PALS1: variants seen among roughly 807,000 people sequenced by gnomAD.
PALS1 encodes protein associated with LIN7 1, MAGUK p55 family member.
PALS1 carries 31 observed loss-of-function variants against 78.9 expected under a neutral mutation model. That is an observed-to-expected ratio of 0.39 (90% CI 0.30 to 0.53). PALS1 has a LOEUF of 0.53. PALS1 is among the 20% of genes least tolerant of loss of function. The pLI, the probability that PALS1 is intolerant of heterozygous loss-of-function variation, is 0.67. For missense variants in PALS1, 704 were observed against 826.5 expected, an observed-to-expected ratio of 0.85 and a Z score of 1.82; for synonymous variants, 276 against 270.9, an observed-to-expected ratio of 1.02 and a Z score of -0.18.
intron 8 of PALS1, among the ~76,000 whole-genome samples, chr14:67,306,216 C>T (rs187877633): frequency 5.9e-5 from 9 of 152,260 alleles, no homozygotes; most frequent in Non-Finnish European, 1.0e-4. Flanking sequence ...GTGATCTGCC[C>T]GCCTTGGCCT....
intron 4 of PALS1, among the ~76,000 whole-genome samples, chr14:67,301,170 G>T (rs769903691): frequency 6.6e-6 from 1 of 151,994 alleles, no homozygotes; most frequent in Non-Finnish European, 1.5e-5. Flanking sequence ...GTCTATAGGC[G>T]TAAGTACCAA....
chr14:67,265,306 T>G (rs1418670770), intron 1 of PALS1, among the ~76,000 whole-genome samples: 5 of 152,082 alleles, frequency 3.3e-5, no homozygotes. Context: ...GCCTGTAATC[T>G]CAGAGATTCG....
intron 8 of PALS1, among the ~76,000 whole-genome samples, chr14:67,310,792 T>C (rs1457316741): frequency 6.6e-6 from 1 of 152,212 alleles, no homozygotes; most frequent in Non-Finnish European, 1.5e-5. Flanking sequence ...AAATATTCTT[T>C]AATGACAAGC....
At chr14:67,324,122 T>C (rs2085311225) in intron 14 of PALS1, among the ~76,000 whole-genome samples, 1 of 152,240 alleles carries the variant, frequency 6.6e-6, no homozygotes, top group Non-Finnish European at 1.5e-5. Flanking sequence ...TCTCTGTAGA[T>C]ACTCCACATT....
chr14:67,296,394 A>G (rs2084850032), intron 4 of PALS1, among the ~76,000 whole-genome samples: 1 of 151,924 alleles, frequency 6.6e-6, no homozygotes, highest in Non-Finnish European at 1.5e-5. Context: ...AGGTCAGGAG[A>G]TCGAGACCAT....
intron 14 of PALS1, among the ~76,000 whole-genome samples, chr14:67,330,736 G>A (rs2085435386): frequency 6.9e-6 from 1 of 144,556 alleles, no homozygotes; most frequent in Non-Finnish European, 1.5e-5. Context: ...GGGATTATGG[G>A]CCTGAGCCCC....
chr14:67,323,460 A>G (rs1324348372), intron 13 of PALS1, among the ~76,000 whole-genome samples: 1 of 151,654 alleles, frequency 6.6e-6, no homozygotes, highest in African/African-American at 2.4e-5. Flanking sequence ...ACAAAAAAGT[A>G]AAAAGTTAGC....
chr14:67,293,429 T>C (rs1364955871), intron 4 of PALS1, among the ~76,000 whole-genome samples: 1 of 152,168 alleles, frequency 6.6e-6, no homozygotes, highest in African/African-American at 2.4e-5. Flanking sequence ...TTTCATTGAA[T>C]GCCAACATGA....
intron 14 of PALS1, among the ~76,000 whole-genome samples, chr14:67,324,609 G>A (rs553913253): frequency 1.3e-5 from 2 of 152,014 alleles, no homozygotes; most frequent in African/African-American, 4.8e-5. Context: ...TTTTGAAATA[G>A]GGTCTTACTC....
At chr14:67,254,930 C>G (rs1197945611) in intron 1 of PALS1, among the ~76,000 whole-genome samples, 1 of 152,210 alleles carries the variant, frequency 6.6e-6, no homozygotes, top group Admixed American at 6.5e-5. Flanking sequence ...GCGGGCAGAT[C>G]ACGAGGTCAA....
At chr14:67,308,607 G>A (rs568121407) in intron 8 of PALS1, among the ~76,000 whole-genome samples, 3 of 144,442 alleles carry the variant, frequency 2.1e-5, no homozygotes, top group African/African-American at 7.9e-5. Context: ...GTGCAATGGT[G>A]CCATCTTGGC....
chr14:67,263,156 G>A (rs1224886866), intron 1 of PALS1, among the ~76,000 whole-genome samples: 3 of 152,054 alleles, frequency 2.0e-5, no homozygotes, highest in East Asian at 3.9e-4. Flanking sequence ...GAGCAAATAG[G>A]GAATTTTCTG....
intron 1 of PALS1, among the ~76,000 whole-genome samples, chr14:67,267,910 A>G (rs1295060301): frequency 1.3e-5 from 2 of 151,986 alleles, no homozygotes; most frequent in African/African-American, 2.4e-5. Flanking sequence ...GTCCTTTCTT[A>G]TTGCATTTTT....
intron 1 of PALS1, among the ~76,000 whole-genome samples, chr14:67,267,732 C>T (rs1270495845): frequency 2.0e-5 from 3 of 152,098 alleles, no homozygotes; most frequent in Non-Finnish European, 2.9e-5. Flanking sequence ...GAAAACATTT[C>T]CTCCTTGCCT....
At chr14:67,295,112 T>TGTGTGCGC (rs200269936) in intron 4 of PALS1, 1 of 151,442 alleles carries the variant, frequency 6.6e-6, no homozygotes, top group African/African-American at 2.4e-5. Flanking sequence ...GAAGTGTGTG[T>TGTGTGCGC]GTGTGTGTGT....
rs775141362 is a variant in PALS1 at position 67,321,184 on chromosome 14, G to A, written c.1665G>A (p.Leu555=). 6.2e-7 allele frequency: 1 copy of A among 1,614,076 alleles called. No individual in the cohort carries two copies. The highest frequency in any genetic ancestry group is 8.5e-7 in the Non-Finnish European group (1 of 1,180,036). The part of the protein sequence containing the change: ...FIEHGEFEKN[L]YGTSIDSVRQ... ...AGCATGGTGAATTTGAGAAGAATTT[G>A]TATGGAACTAGCATAGATTCTGTAC... The change falls in exon 13 of 15, where the codon TTG becomes TTA. Residue 555 remains leucine, a synonymous_variant. Coordinates refer to ENST00000261681, the MANE Select transcript of PALS1 (RefSeq NM_022474.4).
At position 67,279,128 on chromosome 14, in the gene PALS1, A is replaced by C; in HGVS notation, c.-43A>C. The C allele has an allele frequency of 4.7e-6, 7 of 1,499,500 alleles. No homozygotes were observed. Among genetic ancestry groups the C allele is most frequent in the Non-Finnish European group, 5.3e-6 (6 of 1,127,546 alleles). The allele number at this position is 1,499,500 out of a possible 1,614,324, so 92.9% of individuals were successfully genotyped here. A position where few individuals can be genotyped will look rare whatever the true frequency, so the allele number is the denominator to read the frequency against. On this transcript the variant is annotated 5_prime_UTR_variant, in exon 3 of 15. Coordinates refer to ENST00000261681, the MANE Select transcript of PALS1 (RefSeq NM_022474.4). ...GAATCAAGAGAATTGGCTTATAGGAAAAATTGATTTATAAAAAGTGGTACA... is the reference window on the plus strand; with the variant it reads ...GAATCAAGAGAATTGGCTTATAGGACAAATTGATTTATAAAAAGTGGTACA...
intron 9 of PALS1, 79 bp downstream of exon 9, chr14:67,312,789 C>T (rs12588292): frequency 0.11 from 120,029 of 1,097,816 alleles, 13,041 homozygotes; most frequent in East Asian, 0.45. Context: ...AAAACTCACT[C>T]TTTCATGCCT....
At chr14:67,319,457 C>T (rs1332691313) in intron 11 of PALS1, among the ~76,000 whole-genome samples, 2 of 152,074 alleles carry the variant, frequency 1.3e-5, no homozygotes, top group Non-Finnish European at 2.9e-5. Context: ...AACATAAATG[C>T]AGAAAGTGGA....
Sources: allele counts gnomAD v4.1 joint callset (sites outside exome capture counted in the v4.1 genomes callset), GRCh38; gene constraint gnomAD v4.1.1; transcripts MANE v1.5; gene names NCBI Gene and HGNC (gene_info 2026-07-23, HGNC 2026-07-21).